The following ATP9A variants were observed in gnomAD, a reference collection of about 807,000 sequenced individuals.
ATP9A encodes ATPase phospholipid transporting 9A, also known as probable phospholipid-transporting ATPase IIA.
A neutral mutation model predicts 144.1 loss-of-function variants in ATP9A; 52 were observed. That is an observed-to-expected ratio of 0.36 (90% CI 0.29 to 0.45). The LOEUF (loss-of-function observed/expected upper bound fraction) is 0.45. ATP9A is among the 20% of genes least tolerant of loss of function. ATP9A has a pLI of 1.00. For missense variants in ATP9A, 947 were observed against 1,392.7 expected, an observed-to-expected ratio of 0.68 and a Z score of 5.09; for synonymous variants, 582 against 557.4, an observed-to-expected ratio of 1.04 and a Z score of -0.62.
At chr20:51,663,403 CA>C (rs11086352) in intron 13 of ATP9A, among the ~76,000 whole-genome samples, 74,289 of 151,630 alleles carry the variant, frequency 0.49, 18,920 homozygotes, top group East Asian at 0.79. Context: ...ATTTTTTCTG[CA>C]AAAAAAACTT....
intron 9 of ATP9A, among the ~76,000 whole-genome samples, chr20:51,683,858 G>T (rs6021377): frequency 6.6e-6 from 1 of 151,548 alleles, no homozygotes; most frequent in Non-Finnish European, 1.5e-5. Flanking sequence ...ATTCCTTAAA[G>T]CAAGTATTTT....
chr20:51,703,816 T>A (rs767331415), intron 4 of ATP9A, among the ~76,000 whole-genome samples: 25 of 152,186 alleles, frequency 1.6e-4, no homozygotes, highest in Non-Finnish European at 2.4e-4. Context: ...AACACCTCCA[T>A]CTATACTTGT....
chr20:51,745,395 A>G (rs1010127955), intron 1 of ATP9A, among the ~76,000 whole-genome samples: 1 of 151,186 alleles, frequency 6.6e-6, no homozygotes, highest in South Asian at 2.1e-4. Context: ...ATATTCTGCC[A>G]CTGCACTCCA....
At chr20:51,689,937 C>T (rs2077539577) in intron 8 of ATP9A, among the ~76,000 whole-genome samples, 1 of 150,170 alleles carries the variant, frequency 6.7e-6, no homozygotes, top group South Asian at 2.1e-4. Flanking sequence ...ATGGTGAAAC[C>T]CCGTCTCTAC....
chr20:51,762,199 T>C (rs1311239222), intron 1 of ATP9A, among the ~76,000 whole-genome samples: 2 of 152,028 alleles, frequency 1.3e-5, no homozygotes, highest in Admixed American at 1.3e-4. Context: ...GCCCCGTCTC[T>C]ACCAAAAATA....
chr20:51,658,578 G>A (rs545970217), intron 13 of ATP9A, among the ~76,000 whole-genome samples: 1 of 143,098 alleles, frequency 7.0e-6, no homozygotes, highest in South Asian at 2.2e-4. Context: ...GGAGTGCAGT[G>A]GCATGATCTC....
chr20:51,667,690 A>AG (rs533415046), intron 13 of ATP9A, among the ~76,000 whole-genome samples: 43 of 152,174 alleles, frequency 2.8e-4, no homozygotes, highest in South Asian at 1.5e-3. Flanking sequence ...GCTACTGTGC[A>AG]GGGGGTCACG....
rs2235865 is a variant in ATP9A, at chr20:51,610,014, A to G, written c.2636+87T>C. On this transcript the variant is annotated intron_variant, in intron 24 of 27. Coordinates refer to ENST00000338821, the MANE Select transcript of ATP9A (RefSeq NM_006045.3). ...GAATCCAATGTGGCTTGGGAACCCA[A>G]GAATTTTTCCACCACGTTTCTTCTC... The G allele has an allele frequency of 1.9e-3, 2,463 of 1,292,788 alleles. 74 individuals are homozygous for G. In the East Asian group the frequency reaches 0.053, roughly 28 times the overall value. The allele number at this position is 1,292,788 out of a possible 1,614,324, so 80.1% of individuals were successfully genotyped here.
chr20:51,610,029 C>A, intron 24 of ATP9A, 72 bp downstream of exon 24: 1 of 1,391,790 alleles, frequency 7.2e-7, no homozygotes, highest in Non-Finnish European at 1.0e-6. Context: ...TTTTCCACCA[C>A]GTTTCTTCTC....
intron 1 of ATP9A, among the ~76,000 whole-genome samples, chr20:51,740,322 T>G (rs1291625353): frequency 1.3e-5 from 2 of 151,260 alleles, no homozygotes; most frequent in Non-Finnish European, 2.9e-5. Context: ...CCTCCCAAAG[T>G]GCTGGGGTTA....
At position 51,763,556 on chromosome 20, in the gene ATP9A, G is replaced by A. The variant is rs1416896228; in HGVS notation, c.68+4746C>T. 1.5e-4 allele frequency among the ~76,000 whole-genome samples: 22 copies of A among 151,596 alleles called. No individual in the cohort carries two copies. In the South Asian group the frequency reaches 1.5e-3, roughly 10 times the overall value. ...TCTGGATCTCCTGACCTCCTGATCC[G>A]CCCACCTTGGCCTCCCAAAGTGCTG... On this transcript the variant is annotated intron_variant, in intron 1 of 27. Transcript: ENST00000338821.
Position 51,625,682 on chromosome 20 carries a change from C to T in ATP9A, c.1846-320G>A, listed in dbSNP as rs145429477. Among the ~76,000 whole-genome samples the T allele has an allele frequency of 1.4e-3, 210 of 152,302 alleles. 2 individuals carry two copies. Among genetic ancestry groups the T allele is most frequent in the African/African-American group, 4.9e-3 (205 of 41,574 alleles). On this transcript the variant is annotated intron_variant, in intron 17 of 27. Transcript: ENST00000338821. Reference sequence around the variant, plus strand: ...CAACCTCATTGGGTTGTCTCAGGGACGGGCACAACCAAGATCTCAAAAAAA... The same window carrying T: ...CAACCTCATTGGGTTGTCTCAGGGATGGGCACAACCAAGATCTCAAAAAAA...
At chr20:51,717,783 G>A (rs1037427275) in intron 3 of ATP9A, among the ~76,000 whole-genome samples, 8 of 151,874 alleles carry the variant, frequency 5.3e-5, no homozygotes, top group African/African-American at 1.5e-4. Context: ...GTGAAACCCC[G>A]TATCCACTAA....
rs1285767269 is a variant in ATP9A, at chr20:51,750,843, AAATGG to A, written c.68+17454_68+17458del. 1.8e-4 allele frequency among the ~76,000 whole-genome samples: 28 copies of A among 152,268 alleles called. No individual in the cohort carries two copies. In the South Asian group the frequency reaches 5.2e-3, roughly 28 times the overall value. ...TAGATGGCAACCTAGGGAGGAATCC[AAATGG>A]CAGGAACCCAGCAGAGACACACCAA... is the stretch of plus-strand genomic sequence containing the variant. On this transcript the variant is annotated intron_variant, in intron 1 of 27. Coordinates refer to ENST00000338821, the MANE Select transcript of ATP9A (RefSeq NM_006045.3).
At chr20:51,710,558 C>T (rs1219963487) in intron 4 of ATP9A, among the ~76,000 whole-genome samples, 10 of 152,170 alleles carry the variant, frequency 6.6e-5, no homozygotes, top group Admixed American at 5.2e-4. Context: ...AAACTCGCCT[C>T]GATCACTTTC....
intron 13 of ATP9A, among the ~76,000 whole-genome samples, chr20:51,665,626 A>G (rs768281640): frequency 1.3e-5 from 2 of 151,982 alleles, no homozygotes; most frequent in Non-Finnish European, 2.9e-5. Context: ...CGGGAGGCTG[A>G]GGCAGGAGAA....
chr20:51,636,518 C>T (rs577644794), intron 15 of ATP9A, among the ~76,000 whole-genome samples: 2 of 151,898 alleles, frequency 1.3e-5, no homozygotes, highest in South Asian at 2.1e-4. Context: ...GTGAGCTTTT[C>T]GATGTCCCTC....
chr20:51,702,992 T>TTG (rs2077600642), intron 4 of ATP9A, among the ~76,000 whole-genome samples: 1 of 151,452 alleles, frequency 6.6e-6, no homozygotes, highest in Non-Finnish European at 1.5e-5. Context: ...CCTTGGTTTT[T>TTG]TTGTTGTTGT....
At position 51,723,300 on chromosome 20, in the gene ATP9A, T is replaced by C. The variant is rs574397622; in HGVS notation, c.327+2519A>G. Among the ~76,000 whole-genome samples the C allele has an allele frequency of 2.0e-5, 3 of 152,130 alleles. No individual in the cohort carries two copies. The South Asian group carries it at 6.2e-4, about 32-fold the overall frequency. On this transcript the variant is annotated intron_variant, in intron 3 of 27. Transcript: ENST00000338821. ...ATAAAACATAACAAATAGGGTGCAG[T>C]GTATACTGCTCGGGTGATGAGTGTG... is the stretch of plus-strand genomic sequence containing the variant.
Sources: gnomAD v4.1 joint callset for allele counts (sites outside exome capture counted in the v4.1 genomes callset) on GRCh38, gnomAD v4.1.1 for gene constraint, MANE v1.5 for transcripts, NCBI Gene and HGNC (gene_info 2026-07-23, HGNC 2026-07-21) for gene names.